The following SPOP variants were observed in gnomAD, a reference collection of about 807,000 sequenced individuals.
The protein encoded by SPOP is speckle type BTB/POZ protein.
In SPOP, 11 loss-of-function variants were observed where a neutral mutation model predicts 45.6. The observed-to-expected ratio is 0.24, with a 90% confidence interval of 0.15 to 0.40. SPOP has a LOEUF of 0.40. SPOP is among the 10% of genes least tolerant of loss of function. The pLI is 1.00. For missense variants in SPOP, 152 were observed against 465.6 expected (o/e 0.33, Z 6.20); for synonymous variants, 166 against 166.3 (o/e 1.00, Z 0.01).
At chr17:49,647,819 C>T (rs2908434) in intron 1 of SPOP, among the ~76,000 whole-genome samples, 123,938 of 152,174 alleles carry the variant, frequency 0.81, 51,273 homozygotes, top group East Asian at 1. Flanking sequence ...CTTTTCATGC[C>T]TTAGCACCTA....
chr17:49,668,522 G>A (rs973553013), intron 1 of SPOP, among the ~76,000 whole-genome samples: 4 of 152,042 alleles, frequency 2.6e-5, no homozygotes, highest in African/African-American at 9.7e-5. Flanking sequence ...ATGCAAGATA[G>A]GTGTTACCTC....
intron 1 of SPOP, among the ~76,000 whole-genome samples, chr17:49,643,381 C>G (rs2072694790): frequency 6.6e-6 from 1 of 152,078 alleles, no homozygotes; most frequent in Non-Finnish European, 1.5e-5. Flanking sequence ...ATTAAAGACT[C>G]CAGAAAAAAT....
intron 1 of SPOP, among the ~76,000 whole-genome samples, chr17:49,624,346 C>CACAA (rs1423935003): frequency 6.6e-6 from 1 of 151,892 alleles, no homozygotes; most frequent in Non-Finnish European, 1.5e-5. Flanking sequence ...CACACACACA[C>CACAA]ACACACACAC....
Position 49,632,168 on chromosome 17 carries a change from G to A in SPOP, c.-66-9292C>T, listed in dbSNP as rs117807918. The stretch of plus-strand genomic sequence containing the variant: ...AATAAATTAAAGTTTAGGAGTTGTT[G>A]AATGAATGTAGCTATAGGAATCCAG... On this transcript the variant is annotated intron_variant, in intron 1 of 9. Transcript: ENST00000504102. 6.6e-3 allele frequency among the ~76,000 whole-genome samples: 1,005 copies of A among 152,242 alleles called. 6 individuals carry two copies. Among genetic ancestry groups the A allele is most frequent in the Non-Finnish European group, 0.011 (750 of 68,008 alleles).
At chr17:49,629,997 C>CTT (rs2072419666) in intron 1 of SPOP, among the ~76,000 whole-genome samples, 3 of 152,140 alleles carry the variant, frequency 2.0e-5, no homozygotes, top group African/African-American at 7.2e-5. Context: ...CATGTACAAG[C>CTT]TAGATGGCTG....
chr17:49,654,617 T>G (rs920886873), intron 1 of SPOP, among the ~76,000 whole-genome samples: 7 of 152,124 alleles, frequency 4.6e-5, no homozygotes, highest in African/African-American at 1.7e-4. Flanking sequence ...AAACCCTGTC[T>G]CTACTAAAAT....
At chr17:49,611,075 T>C (rs532724126) in intron 6 of SPOP, among the ~76,000 whole-genome samples, 1 of 152,260 alleles carries the variant, frequency 6.6e-6, no homozygotes, top group Admixed American at 6.5e-5. Context: ...CTAGGTCCAC[T>C]ACAGAGAGGA....
At chr17:49,664,091 T>G (rs995530754) in intron 1 of SPOP, among the ~76,000 whole-genome samples, 2 of 152,222 alleles carry the variant, frequency 1.3e-5, no homozygotes, top group Non-Finnish European at 2.9e-5. Flanking sequence ...GCAAGTCAGG[T>G]TAATGGATTT....
chr17:49,628,823 T>G (rs1476054603), intron 1 of SPOP, among the ~76,000 whole-genome samples: 4 of 152,196 alleles, frequency 2.6e-5, no homozygotes, highest in Non-Finnish European at 5.9e-5. Flanking sequence ...CCTGCCTTCT[T>G]TTATACTTAT....
At chr17:49,641,133 C>G (rs1407356463) in intron 1 of SPOP, among the ~76,000 whole-genome samples, 1 of 151,834 alleles carries the variant, frequency 6.6e-6, no homozygotes, top group Non-Finnish European at 1.5e-5. Context: ...CGTGGTGGCA[C>G]ACACCTGTAG....
At chr17:49,620,942 C>T (rs2072210707) in intron 3 of SPOP, among the ~76,000 whole-genome samples, 1 of 152,188 alleles carries the variant, frequency 6.6e-6, no homozygotes, top group African/African-American at 2.4e-5. Context: ...AAACATCTCT[C>T]TCAACACTTA....
chr17:49,662,581 G>A (rs925481250), intron 1 of SPOP, among the ~76,000 whole-genome samples: 4 of 151,998 alleles, frequency 2.6e-5, no homozygotes, highest in Non-Finnish European at 4.4e-5. Context: ...CAGCTACTCG[G>A]GAGGTTGAGG....
Position 49,622,843 on chromosome 17 carries a change from G to A in SPOP, c.-33C>T. Reference sequence around the variant, plus strand: ...TTGAAGGTTAAACGAGATTTCCAAAGTCAGGGGGCAAAGATTTCTGTTCCC... The same window carrying A: ...TTGAAGGTTAAACGAGATTTCCAAAATCAGGGGGCAAAGATTTCTGTTCCC... On this transcript the variant is annotated 5_prime_UTR_variant, in exon 2 of 10. Coordinates refer to ENST00000504102, the MANE Select transcript of SPOP (RefSeq NM_001007228.2). The A allele has an allele frequency of 1.3e-6, 2 of 1,577,016 alleles. No individual in the cohort carries two copies. The highest frequency in any genetic ancestry group is 1.7e-6 in the Non-Finnish European group (2 of 1,146,282).
Position 49,600,204 on chromosome 17 carries a change from C to A in SPOP, c.*174G>T, listed in dbSNP as rs1399680825. ...GGTTTTCATTTCATTTTCCCTCCCC[C>A]CGTTTCCCCCAAGTTATTTAGTGCT... On this transcript the variant is annotated 3_prime_UTR_variant, in exon 10 of 10. Coordinates refer to ENST00000504102, the MANE Select transcript of SPOP (RefSeq NM_001007228.2). This position sits in a 1 kb window ranked among gnomAD's most constrained non-coding sequence, Gnocchi z 4.2. 6.0e-6 allele frequency: 5 copies of A among 832,598 alleles called. No homozygotes were observed. The highest frequency in any genetic ancestry group is 4.6e-5 in the Admixed American group (2 of 43,268). 51.6% of individuals were successfully genotyped at this position (832,598 alleles called of 1,614,324 possible). A position where few individuals can be genotyped will look rare whatever the true frequency, so the allele number is the denominator to read the frequency against.
chr17:49,675,382 T>C (rs1465841750), intron 1 of SPOP, among the ~76,000 whole-genome samples: 1 of 152,216 alleles, frequency 6.6e-6, no homozygotes, highest in Non-Finnish European at 1.5e-5. Context: ...AGTGTCTTAT[T>C]GTGTAAAACA....
intron 1 of SPOP, among the ~76,000 whole-genome samples, chr17:49,658,386 A>G (rs2072943495): frequency 6.6e-6 from 1 of 152,174 alleles, no homozygotes; most frequent in Non-Finnish European, 1.5e-5. Flanking sequence ...ATTCTGAAAA[A>G]ATACCATGTT....
At chr17:49,637,642 C>T (rs561839484) in intron 1 of SPOP, among the ~76,000 whole-genome samples, 6 of 152,136 alleles carry the variant, frequency 3.9e-5, no homozygotes, top group Non-Finnish European at 7.4e-5. Flanking sequence ...TGAGCCACTG[C>T]GCCCAGCCCC....
At chr17:49,624,317 A>ACGCG (rs1205531205) in intron 1 of SPOP, among the ~76,000 whole-genome samples, 2 of 109,622 alleles carry the variant, frequency 1.8e-5, no homozygotes, top group African/African-American at 7.0e-5. Context: ...GAACACACAC[A>ACGCG]CACGCGCGCG....
intron 1 of SPOP, among the ~76,000 whole-genome samples, chr17:49,651,597 T>C (rs1333384267): frequency 6.6e-6 from 1 of 152,250 alleles, no homozygotes; most frequent in East Asian, 1.9e-4. Context: ...GAAAGGTGTC[T>C]TTATTTCCGG....
Sources: gnomAD v4.1 joint callset for allele counts (sites outside exome capture counted in the v4.1 genomes callset) on GRCh38, gnomAD v4.1.1 for gene constraint, Gnocchi (gnomAD v3.1) non-coding constraint, MANE v1.5 for transcripts, NCBI Gene and HGNC (gene_info 2026-07-23, HGNC 2026-07-21) for gene names.